Variants in SLC4A5 observed in about 807,000 individuals in gnomAD.
SLC4A5 encodes the protein solute carrier family 4 member 5.
In SLC4A5, 96 loss-of-function variants were observed where a neutral mutation model predicts 120.4. The ratio of observed to expected loss-of-function variants is 0.80; its 90% CI spans 0.68 to 0.94. The LOEUF (loss-of-function observed/expected upper bound fraction) is 0.94. SLC4A5 is among the 40% of genes least tolerant of loss of function. The pLI is 0.00. For synonymous variants in SLC4A5, 550 were observed against 571.1 expected (o/e 0.96, Z 0.53); for missense variants, 1,259 against 1,459.5 (o/e 0.86, Z 2.24).
chr2:74,321,560 A>G (rs10211500), intron 5 of SLC4A5, among the ~76,000 whole-genome samples: 5,913 of 152,048 alleles, frequency 0.039, 393 homozygotes, highest in African/African-American at 0.13. Flanking sequence ...GGTGACCCAG[A>G]TGTGGTTACT....
chr2:74,219,068 G>C (rs555762936), intron 30 of SLC4A5, among the ~76,000 whole-genome samples: 27 of 152,256 alleles, frequency 1.8e-4, no homozygotes, highest in Admixed American at 5.9e-4. Flanking sequence ...CTTAGTGTGA[G>C]AAGACAGGAG....
chr2:74,269,066 T>A (rs1671390640), intron 8 of SLC4A5, among the ~76,000 whole-genome samples: 1 of 152,258 alleles, frequency 6.6e-6, no homozygotes, highest in South Asian at 2.1e-4. Flanking sequence ...AAGTTGTAGC[T>A]GACCTTTTTG....
chr2:74,330,553 T>G (rs1673332172), intron 4 of SLC4A5, among the ~76,000 whole-genome samples: 1 of 140,266 alleles, frequency 7.1e-6, no homozygotes, highest in African/African-American at 2.7e-5. Context: ...GGTGTAAGTG[T>G]AGGTGGTGAG....
chr2:74,290,668 GAGA>G (rs1672137743), intron 7 of SLC4A5: 1 of 984,016 alleles, frequency 1.0e-6, no homozygotes, highest in South Asian at 4.7e-5. Context: ...AAGAGAGAGA[GAGA>G]AGTGAGAGGG....
chr2:74,340,878 T>C (rs1002763382), intron 2 of SLC4A5, among the ~76,000 whole-genome samples: 3 of 152,056 alleles, frequency 2.0e-5, no homozygotes, highest in East Asian at 1.9e-4. Context: ...CAAGTCAAGA[T>C]TGAAGTGGTA....
chr2:74,224,809 C>T (rs779453628), intron 28 of SLC4A5, 31 bp downstream of exon 28: 2 of 1,591,688 alleles, frequency 1.3e-6, no homozygotes, highest in South Asian at 1.1e-5. Flanking sequence ...CTCAATTTCT[C>T]CTCTGTGCCC....
chr2:74,293,956 G>A (rs1021909264), intron 7 of SLC4A5, among the ~76,000 whole-genome samples: 1 of 152,116 alleles, frequency 6.6e-6, no homozygotes, highest in Admixed American at 6.6e-5. Context: ...AAGTAAAAGA[G>A]CGGGGAGTAA....
intron 8 of SLC4A5, among the ~76,000 whole-genome samples, chr2:74,274,755 T>C (rs1671585294): frequency 6.6e-6 from 1 of 152,236 alleles, no homozygotes; most frequent in Non-Finnish European, 1.5e-5. Context: ...TAATTTACAG[T>C]GAGATTTACA....
In SLC4A5 at chr2:74,227,644, G is replaced by A. The variant is rs972630425; in HGVS notation, c.2916+166C>T. The stretch of plus-strand genomic sequence containing the variant: ...ATGAAGTGCCTAACATATTTATTTT[G>A]CCTGATAGCATCAGTAAGTGGTAGT... On this transcript the variant is annotated intron_variant, in intron 26 of 30. Transcript: ENST00000394019. 11 of 1,245,158 alleles carry A rather than the reference G, an allele frequency of 8.8e-6. No homozygotes were observed. In the Admixed American group the frequency reaches 2.3e-4, roughly 27 times the overall value. 77.1% of individuals were successfully genotyped at this position (1,245,158 alleles called of 1,614,324 possible).
At chr2:74,241,936 C>T in intron 20 of SLC4A5, 58 bp downstream of exon 20, 1 of 1,539,792 alleles carries the variant, frequency 6.5e-7, no homozygotes, top group Non-Finnish European at 8.9e-7. Context: ...AAAATCTTTT[C>T]TCCCTCCTCC....
At chr2:74,280,272 C>T (rs1671771500) in intron 8 of SLC4A5, among the ~76,000 whole-genome samples, 1 of 152,126 alleles carries the variant, frequency 6.6e-6, no homozygotes, top group Non-Finnish European at 1.5e-5. Flanking sequence ...ACCCATCCTT[C>T]AGGTCTCAAT....
chr2:74,300,739 G>T (rs1036824991), intron 7 of SLC4A5, among the ~76,000 whole-genome samples: 1 of 152,162 alleles, frequency 6.6e-6, no homozygotes, highest in African/African-American at 2.4e-5. Context: ...ATCTCCAGGT[G>T]CAAGATATTT....
At chr2:74,278,532 C>T (rs1306018616) in intron 8 of SLC4A5, among the ~76,000 whole-genome samples, 1 of 152,164 alleles carries the variant, frequency 6.6e-6, no homozygotes, top group Non-Finnish European at 1.5e-5. Flanking sequence ...AGCCCTCATT[C>T]TGTGTTACAC....
chr2:74,292,008 C>T (rs191039540), intron 7 of SLC4A5, among the ~76,000 whole-genome samples: 5 of 152,254 alleles, frequency 3.3e-5, no homozygotes, highest in Admixed American at 2.6e-4. Context: ...GAGCCCAGAC[C>T]TGGGCTCAAC....
chr2:74,265,843 G>T (rs945350666), intron 8 of SLC4A5, among the ~76,000 whole-genome samples: 1 of 152,310 alleles, frequency 6.6e-6, no homozygotes, highest in East Asian at 1.9e-4. Context: ...GGGAAGGAAA[G>T]AAATTAAACC....
chr2:74,342,393 G>C (rs1469458399), intron 2 of SLC4A5, 65 bp downstream of exon 2: 1 of 152,202 alleles, frequency 6.6e-6, no homozygotes. Context: ...GCCACCAATG[G>C]TGTGGGAAAA....
rs180849995 is a variant in SLC4A5 at position 74,253,196 on chromosome 2, C to A, written c.1114-68G>T. 656 of 1,570,904 alleles carry A rather than the reference C, an allele frequency of 4.2e-4. 2 individuals carry two copies. In the African/African-American group the frequency reaches 6.9e-3, roughly 17 times the overall value. ...TTCTGAAATGCCTGGGAGCATATCA[C>A]ATCTAGTTTTTAAAGGAATCCCTTT... On this transcript the variant is annotated intron_variant, in intron 14 of 30. Transcript: ENST00000394019.
intron 25 of SLC4A5, 82 bp from the exon 26 acceptor site, chr2:74,227,960 A>T (rs1282728312): frequency 7.1e-6 from 7 of 988,276 alleles, no homozygotes; most frequent in Non-Finnish European, 8.8e-6. Context: ...GTGGCTCCTG[A>T]CCACAGAGGC....
At chr2:74,320,631 T>G (rs1673072631) in intron 5 of SLC4A5, among the ~76,000 whole-genome samples, 1 of 152,198 alleles carries the variant, frequency 6.6e-6, no homozygotes, top group South Asian at 2.1e-4. Context: ...TGCACCTTTT[T>G]TTCAGGAAGT....
Sources: allele counts gnomAD v4.1 joint callset (sites outside exome capture counted in the v4.1 genomes callset), GRCh38; gene constraint gnomAD v4.1.1; transcripts MANE v1.5; gene names NCBI Gene and HGNC (gene_info 2026-07-23, HGNC 2026-07-21).